Variants in ANK2 observed in about 807,000 individuals in gnomAD.
ANK2 encodes the protein ankyrin-2.
A neutral mutation model predicts 360.5 loss-of-function variants in ANK2; 83 were observed. The observed-to-expected ratio is 0.23, with a 90% confidence interval of 0.19 to 0.28. The LOEUF is 0.28. Among genes scored for constraint, ANK2 ranks in the 10% least tolerant of loss-of-function variants. ANK2 has a pLI of 1.00. For synonymous variants in ANK2, 1,740 were observed against 1,759.5 expected (o/e 0.99, Z 0.28); for missense variants, 4,201 against 4,795.7 (o/e 0.88, Z 3.66).
chr4:112,746,089 A>T, the ANK2 span, among the ~76,000 whole-genome samples: 1 of 152,076 alleles, frequency 6.6e-6, no homozygotes, highest in South Asian at 2.1e-4. Flanking sequence ...TTTCAATTCT[A>T]TAGTGACTCT....
the ANK2 span, among the ~76,000 whole-genome samples, chr4:112,727,977 CAAAAGAAAACAAAAA>C: frequency 6.7e-6 from 1 of 150,014 alleles, no homozygotes. Flanking sequence ...AACTCTGTCT[CAAAAGAAAACAAAAA>C]GAAAAAAAAT....
At chr4:113,336,390 T>C (rs1054618725) in intron 30 of ANK2, 187 bp from the exon 31 acceptor site, 1 of 628,508 alleles carries the variant, frequency 1.6e-6, no homozygotes, top group African/African-American at 1.8e-5. Context: ...AGATCGTGGA[T>C]CTTACAAAAT....
At chr4:113,339,089 A>AT in intron 31 of ANK2, 137 bp from the exon 32 acceptor site, 1 of 720,916 alleles carries the variant, frequency 1.4e-6, no homozygotes, top group Non-Finnish European at 2.4e-6. Context: ...TAGCATGTAG[A>AT]TTTTAGTCAT....
intron 1 of ANK2, among the ~76,000 whole-genome samples, chr4:113,171,797 A>G (rs1373765531): frequency 6.6e-6 from 1 of 152,200 alleles, no homozygotes; most frequent in Non-Finnish European, 1.5e-5. Flanking sequence ...CGGCAAAAGC[A>G]ATCCTCAATG....
intron 1 of ANK2, among the ~76,000 whole-genome samples, chr4:113,080,189 A>G (rs1042395782): frequency 3.3e-5 from 5 of 152,162 alleles, no homozygotes; most frequent in Admixed American, 2.0e-4. Context: ...GTCAGTCGCC[A>G]TGCCCTGCCC....
At chr4:113,153,901 A>G (rs1223196071) in intron 1 of ANK2, among the ~76,000 whole-genome samples, 1 of 152,230 alleles carries the variant, frequency 6.6e-6, no homozygotes, top group Admixed American at 6.5e-5. Flanking sequence ...CCTTAAGTGC[A>G]CTTAAGTATG....
At chr4:112,709,647 G>A in the ANK2 span, among the ~76,000 whole-genome samples, 8 of 152,204 alleles carry the variant, frequency 5.3e-5, no homozygotes, top group African/African-American at 1.9e-4. Context: ...TACTCAGGAG[G>A]TTGAGACAGA....
upstream of ANK2, among the ~76,000 whole-genome samples, chr4:113,046,326 A>G (rs2064370221): frequency 6.6e-6 from 1 of 152,148 alleles, no homozygotes; most frequent in South Asian, 2.1e-4. Flanking sequence ...AATACTTTGT[A>G]CAGGAAGTGC....
chr4:113,342,570 G>A (rs1163986431), intron 33 of ANK2, among the ~76,000 whole-genome samples: 1 of 151,818 alleles, frequency 6.6e-6, no homozygotes, highest in African/African-American at 2.4e-5. Context: ...CGTGGTGGCA[G>A]ATGCCTGTAA....
At chr4:112,887,530 A>C (rs2078754631) in intron 1 of ANK2, among the ~76,000 whole-genome samples, 1 of 152,170 alleles carries the variant, frequency 6.6e-6, no homozygotes, top group Non-Finnish European at 1.5e-5. Flanking sequence ...CTCAATAATT[A>C]TTTTTGAATA....
intron 2 of ANK2, among the ~76,000 whole-genome samples, chr4:112,927,343 A>G (rs1177435311): frequency 6.6e-6 from 1 of 152,182 alleles, no homozygotes; most frequent in African/African-American, 2.4e-5. Context: ...CCATTTTGAA[A>G]ATGGTGCTTT....
chr4:112,846,252 A>G (rs570874922), intron 1 of ANK2, among the ~76,000 whole-genome samples: 5 of 152,048 alleles, frequency 3.3e-5, no homozygotes, highest in African/African-American at 1.2e-4. Context: ...TGGGACTACA[A>G]GCGTCCCACC....
chr4:113,302,602 G>A (rs1354834182), intron 22 of ANK2, among the ~76,000 whole-genome samples, 165 bp from the exon 23 acceptor site: 1 of 152,154 alleles, frequency 6.6e-6, no homozygotes, highest in African/African-American at 2.4e-5. Context: ...AAGAACAAAT[G>A]AGTTTTCATG....
chr4:112,738,749 C>A, the ANK2 span: 2 of 619,996 alleles, frequency 3.2e-6, no homozygotes, highest in Non-Finnish European at 3.0e-6. Context: ...ACCAGTCAGA[C>A]CCATATGTCA....
At chr4:113,078,405 A>G (rs1273159542) in intron 1 of ANK2, among the ~76,000 whole-genome samples, 1 of 152,190 alleles carries the variant, frequency 6.6e-6, no homozygotes, top group South Asian at 2.1e-4. Flanking sequence ...CTCTATCAGC[A>G]TATTGGATGT....
chr4:113,249,123 T>C (rs1369726574), intron 9 of ANK2, among the ~76,000 whole-genome samples: 1 of 152,256 alleles, frequency 6.6e-6, no homozygotes, highest in Non-Finnish European at 1.5e-5. Context: ...GTTAGGGTTC[T>C]ATTTATTAAT....
chr4:112,796,489 A>T, the ANK2 span, among the ~76,000 whole-genome samples: 4 of 145,412 alleles, frequency 2.8e-5, no homozygotes, highest in Non-Finnish European at 4.5e-5. Context: ...CATACATATC[A>T]TAAAACTTAC....
intron 14 of ANK2, among the ~76,000 whole-genome samples, chr4:113,272,167 C>T (rs1209952766): frequency 6.6e-6 from 1 of 152,108 alleles, no homozygotes; most frequent in East Asian, 1.9e-4. Context: ...GAACTTTATC[C>T]CAGCCAGTGT....
chr4:113,255,728 T>C lies in ANK2; in HGVS notation c.991-7T>C, dbSNP rs761016901. ...AGGACATTATTTTGTTTTCTTTTAATGTGCAGAATGGGCTGTCTCCACTAC... is the reference window on the plus strand; with the variant it reads ...AGGACATTATTTTGTTTTCTTTTAACGTGCAGAATGGGCTGTCTCCACTAC... On this transcript the variant is annotated splice_region_variant and splice_polypyrimidine_tract_variant and intron_variant, in intron 10 of 45. Transcript: ENST00000357077. The C allele has an allele frequency of 4.3e-6, 7 of 1,613,922 alleles. No individual in the cohort carries two copies. Among genetic ancestry groups the C allele is most frequent in the South Asian group, 2.2e-5 (2 of 91,054 alleles).
Sources: allele counts gnomAD v4.1 joint callset (sites outside exome capture counted in the v4.1 genomes callset), GRCh38; gene constraint gnomAD v4.1.1; transcripts MANE v1.5; gene names NCBI Gene and HGNC (gene_info 2026-07-23, HGNC 2026-07-21).